LINGO2: variants seen among roughly 807,000 people sequenced by gnomAD.
LINGO2 encodes the protein leucine rich repeat and Ig domain containing 2.
In LINGO2, 14 loss-of-function variants were observed where a neutral mutation model predicts 30.6. The observed-to-expected ratio is 0.46, with a 90% CI of 0.30 to 0.72. The LOEUF is 0.72. Ranked by LOEUF, LINGO2 falls within the 30% of genes least tolerant of loss-of-function variation. LINGO2 has a pLI of 0.07. For missense variants in LINGO2, 729 were observed against 751.7 expected (o/e 0.97, Z 0.35); for synonymous variants, 317 against 288.5 (o/e 1.10, Z -1.00).
At chr9:28,494,853 A>G (rs1819538124) in intron 1 of LINGO2, among the ~76,000 whole-genome samples, 1 of 152,136 alleles carries the variant, frequency 6.6e-6, no homozygotes, top group Non-Finnish European at 1.5e-5. Context: ...AAGTGTTCCT[A>G]TTTCTCCACA....
chr9:28,417,436 G>A (rs1160617983), intron 2 of LINGO2, among the ~76,000 whole-genome samples: 1 of 152,098 alleles, frequency 6.6e-6, no homozygotes, highest in Non-Finnish European at 1.5e-5. Context: ...TTTAAAATGT[G>A]GCATTGGCCT....
the LINGO2 span, among the ~76,000 whole-genome samples, chr9:28,952,703 C>G: frequency 6.6e-6 from 1 of 152,082 alleles, no homozygotes; most frequent in African/African-American, 2.4e-5. Context: ...AGAGAAGTAG[C>G]CACGTTAGAC....
chr9:28,814,443 C>T, the LINGO2 span, among the ~76,000 whole-genome samples: 4 of 152,010 alleles, frequency 2.6e-5, no homozygotes, highest in African/African-American at 7.2e-5. Flanking sequence ...CTCAAACAAA[C>T]GAATAAAAAA....
At chr9:28,859,982 G>A in the LINGO2 span, among the ~76,000 whole-genome samples, 1 of 151,964 alleles carries the variant, frequency 6.6e-6, no homozygotes, top group Non-Finnish European at 1.5e-5. Context: ...TATTTCTACA[G>A]TTCTTCTAAG....
the LINGO2 span, among the ~76,000 whole-genome samples, chr9:28,776,789 G>C: frequency 7.3e-5 from 11 of 151,468 alleles, no homozygotes; most frequent in Admixed American, 7.2e-4. Context: ...TCAGAACAGA[G>C]GAAGTATAGA....
the LINGO2 span, among the ~76,000 whole-genome samples, chr9:29,209,275 A>G: frequency 6.6e-6 from 1 of 152,122 alleles, no homozygotes; most frequent in Non-Finnish European, 1.5e-5. Flanking sequence ...GCGAGACACA[A>G]GATGCATTTA....
the LINGO2 span, among the ~76,000 whole-genome samples, chr9:29,072,258 T>A: frequency 1.3e-5 from 2 of 152,202 alleles, no homozygotes; most frequent in African/African-American, 4.8e-5. Context: ...AAATTTGTCT[T>A]CTGATTTCTT....
intron 2 of LINGO2, among the ~76,000 whole-genome samples, chr9:28,433,949 C>CTCTCTCTCTCTCTCTCTCTCTATATA (rs1225323260): frequency 1.1e-5 from 1 of 88,480 alleles, no homozygotes; most frequent in African/African-American, 4.5e-5. Context: ...CTCTCTCTCT[C>CTCTCTCTCTCTCTCTCTCTCTATATA]TATATATATA....
At chr9:28,186,683 G>C (rs990452955) in intron 4 of LINGO2, among the ~76,000 whole-genome samples, 1 of 152,062 alleles carries the variant, frequency 6.6e-6, no homozygotes, top group South Asian at 2.1e-4. Context: ...TCAATGAGTA[G>C]AGAATCAATA....
chr9:28,052,700 C>G (rs1824731797), intron 4 of LINGO2, among the ~76,000 whole-genome samples: 1 of 151,960 alleles, frequency 6.6e-6, no homozygotes, highest in African/African-American at 2.4e-5. Flanking sequence ...GTTAGGGTCT[C>G]CAAACTACAA....
chr9:28,594,497 GT>G (rs1452425911), intron 1 of LINGO2, among the ~76,000 whole-genome samples: 2 of 152,050 alleles, frequency 1.3e-5, no homozygotes, highest in Non-Finnish European at 2.9e-5. Context: ...GGGATGCCTA[GT>G]TGTACTTTTC....
chr9:28,815,063 G>C, the LINGO2 span, among the ~76,000 whole-genome samples: 3 of 152,190 alleles, frequency 2.0e-5, no homozygotes, highest in Non-Finnish European at 4.4e-5. Context: ...ATTCTCAATA[G>C]TTTCAAATTC....
the LINGO2 span, among the ~76,000 whole-genome samples, chr9:28,853,716 A>G: frequency 1.8e-4 from 28 of 151,992 alleles, no homozygotes; most frequent in Non-Finnish European, 5.9e-5. Context: ...AGCAGGGGAT[A>G]TGCCAGATGC....
At chr9:28,635,223 C>T (rs1827204415) in intron 1 of LINGO2, among the ~76,000 whole-genome samples, 1 of 152,122 alleles carries the variant, frequency 6.6e-6, no homozygotes, top group Admixed American at 6.6e-5. Flanking sequence ...ACCAAAAGAG[C>T]CTTTTTATTA....
chr9:28,016,880 C>CA (rs2119318323), intron 4 of LINGO2, among the ~76,000 whole-genome samples: 1 of 152,006 alleles, frequency 6.6e-6, no homozygotes, highest in East Asian at 1.9e-4. Context: ...GCAGAGACAA[C>CA]AACAACAAAA....
intron 2 of LINGO2, among the ~76,000 whole-genome samples, chr9:28,433,727 A>G (rs1239202503): frequency 6.6e-6 from 1 of 152,010 alleles, no homozygotes; most frequent in East Asian, 1.9e-4. Flanking sequence ...GAGATTCCTT[A>G]AAGAGCTGAA....
At chr9:28,942,491 T>C in the LINGO2 span, among the ~76,000 whole-genome samples, 1 of 152,186 alleles carries the variant, frequency 6.6e-6, no homozygotes, top group African/African-American at 2.4e-5. Flanking sequence ...CAGAAGTACC[T>C]GGGTGTGAAT....
At chr9:27,977,208 G>C (rs1239073790) in intron 5 of LINGO2, among the ~76,000 whole-genome samples, 1 of 150,618 alleles carries the variant, frequency 6.6e-6, no homozygotes, top group Non-Finnish European at 1.5e-5. Flanking sequence ...AAAGAGAAAA[G>C]ATATTCACAA....
the LINGO2 span, among the ~76,000 whole-genome samples, chr9:29,038,441 A>ATGAC: frequency 6.6e-6 from 1 of 152,098 alleles, no homozygotes; most frequent in Non-Finnish European, 1.5e-5. Flanking sequence ...ATGTTCACTA[A>ATGAC]TGACTGAGTA....
Sources: gnomAD v4.1 joint callset for allele counts (sites outside exome capture counted in the v4.1 genomes callset) on GRCh38, gnomAD v4.1.1 for gene constraint, MANE v1.5 for transcripts, NCBI Gene and HGNC (gene_info 2026-07-23, HGNC 2026-07-21) for gene names.